Variants in VSNL1 observed in about 807,000 individuals in gnomAD.
VSNL1 encodes visinin-like protein 1.
VSNL1 carries 6 observed loss-of-function variants against 20.4 expected under a neutral mutation model. The ratio of observed to expected loss-of-function variants is 0.29; its 90% CI spans 0.16 to 0.58. The LOEUF is 0.58. Among genes scored for constraint, VSNL1 ranks in the 20% least tolerant of loss-of-function variants. The pLI, the probability that VSNL1 is intolerant of heterozygous loss-of-function variation, is 0.90. For missense variants in VSNL1, 100 were observed against 234.5 expected, an observed-to-expected ratio of 0.43 and a Z score of 3.75; for synonymous variants, 93 against 86.4, an observed-to-expected ratio of 1.08 and a Z score of -0.42.
At chr2:17,622,562 AAGAAAGAAAGAAAGAAAG>A (rs1483970674) in intron 2 of VSNL1, among the ~76,000 whole-genome samples, 2 of 134,100 alleles carry the variant, frequency 1.5e-5, no homozygotes, top group Non-Finnish European at 3.4e-5. Flanking sequence ...GAAAGAAAGA[AAGAAAGAAAGAAAGAAAG>A]AAAGAAAGAA....
intron 2 of VSNL1, among the ~76,000 whole-genome samples, chr2:17,626,782 C>T (rs1472355073): frequency 6.6e-6 from 1 of 152,144 alleles, no homozygotes; most frequent in Admixed American, 6.5e-5. Context: ...AATTCTAGGA[C>T]AAAGGAAAAA....
chr2:17,622,744 G>C (rs1244730955), intron 2 of VSNL1, among the ~76,000 whole-genome samples: 1 of 152,166 alleles, frequency 6.6e-6, no homozygotes, highest in Non-Finnish European at 1.5e-5. Context: ...AATTCACTGG[G>C]TGAAAAGGAA....
chr2:17,630,640 A>T (rs556741520), intron 2 of VSNL1, among the ~76,000 whole-genome samples: 2 of 152,356 alleles, frequency 1.3e-5, no homozygotes, highest in East Asian at 3.9e-4. Context: ...CCACATATTA[A>T]AATATTTTAT....
At chr2:17,544,068 A>AAGG (rs1349501044) in intron 1 of VSNL1, among the ~76,000 whole-genome samples, 1 of 152,210 alleles carries the variant, frequency 6.6e-6, no homozygotes, top group Non-Finnish European at 1.5e-5. Context: ...GGCATTAGGA[A>AAGG]AGGAGGAGCT....
At chr2:17,639,114 A>C (rs1354156471) in intron 2 of VSNL1, among the ~76,000 whole-genome samples, 5 of 152,126 alleles carry the variant, frequency 3.3e-5, no homozygotes, top group Non-Finnish European at 7.4e-5. Context: ...GGGTGAAGGG[A>C]TCTATTGCCC....
At chr2:17,578,696 C>G (rs956789607) in intron 1 of VSNL1, among the ~76,000 whole-genome samples, 1 of 152,238 alleles carries the variant, frequency 6.6e-6, no homozygotes, top group African/African-American at 2.4e-5. Flanking sequence ...ACCGGAAGGT[C>G]TAATTTTAGT....
intron 1 of VSNL1, among the ~76,000 whole-genome samples, chr2:17,568,408 T>C (rs1664005558): frequency 6.6e-6 from 1 of 152,146 alleles, no homozygotes; most frequent in Non-Finnish European, 1.5e-5. Context: ...GCTAGGACTA[T>C]AGGTACATGC....
chr2:17,540,069 T>C (rs182243811), upstream of VSNL1: 1,673 of 152,424 alleles, frequency 0.011, 14 homozygotes, highest in Non-Finnish European at 0.018. Flanking sequence ...GGACCGAGAC[T>C]GTCCGGGGCA....
At chr2:17,618,954 C>T (rs770086578) in intron 2 of VSNL1, among the ~76,000 whole-genome samples, 4 of 152,146 alleles carry the variant, frequency 2.6e-5, no homozygotes. Context: ...TAATCATTCT[C>T]TCATGATCCA....
At chr2:17,620,381 G>A (rs1484921899) in intron 2 of VSNL1, among the ~76,000 whole-genome samples, 3 of 152,226 alleles carry the variant, frequency 2.0e-5, no homozygotes, top group African/African-American at 7.2e-5. Context: ...TTGGCAAAGC[G>A]AGAAGGGCAG....
intron 1 of VSNL1, among the ~76,000 whole-genome samples, chr2:17,542,267 A>G (rs898779391): frequency 6.6e-6 from 1 of 152,108 alleles, no homozygotes; most frequent in Non-Finnish European, 1.5e-5. Context: ...CTTACTTTTG[A>G]ATGCACTCTC....
chr2:17,655,474 C>T lies in VSNL1; in HGVS notation c.*80C>T. The T allele has an allele frequency of 4.0e-6, 4 of 1,010,662 alleles. No individual in the cohort carries two copies. Among genetic ancestry groups the T allele is most frequent in the Non-Finnish European group, 2.9e-6 (2 of 691,504 alleles). The allele number at this position is 1,010,662 out of a possible 1,614,324, so 62.6% of individuals were successfully genotyped here. A position where few individuals can be genotyped will look rare whatever the true frequency, so the allele number is the denominator to read the frequency against. ...AGCTATTCACACACACACACACACA[C>T]ACACACACACACACACACACACACA... is the stretch of plus-strand genomic sequence containing the variant. On this transcript the variant is annotated 3_prime_UTR_variant, in exon 4 of 4. Coordinates refer to ENST00000295156, the MANE Select transcript of VSNL1 (RefSeq NM_003385.5). This position sits in a 1 kb window ranked among gnomAD's most constrained non-coding sequence, Gnocchi z 5.2.
intron 2 of VSNL1, among the ~76,000 whole-genome samples, chr2:17,624,853 C>T (rs1404825710): frequency 6.6e-6 from 1 of 152,200 alleles, no homozygotes; most frequent in Non-Finnish European, 1.5e-5. Flanking sequence ...TAATGTGTTA[C>T]AGCAGCAACA....
intron 2 of VSNL1, among the ~76,000 whole-genome samples, chr2:17,610,846 C>T (rs1665067632): frequency 6.6e-6 from 1 of 152,196 alleles, no homozygotes; most frequent in Non-Finnish European, 1.5e-5. Flanking sequence ...GCCCTGAACT[C>T]TGCATGCTTT....
intron 2 of VSNL1, among the ~76,000 whole-genome samples, chr2:17,594,068 T>C (rs750333356): frequency 1.4e-4 from 21 of 152,202 alleles, no homozygotes; most frequent in Non-Finnish European, 3.1e-4. Flanking sequence ...ATAGTTGAAA[T>C]GCAGGAAATG....
At chr2:17,633,921 A>C (rs77184568) in intron 2 of VSNL1, among the ~76,000 whole-genome samples, 1 of 152,308 alleles carries the variant, frequency 6.6e-6, no homozygotes, top group Admixed American at 6.5e-5. Context: ...CAAGAAGTGA[A>C]GGGGCAAGAG....
At chr2:17,653,027 A>G (rs1410728485) in intron 3 of VSNL1, among the ~76,000 whole-genome samples, 1 of 152,216 alleles carries the variant, frequency 6.6e-6, no homozygotes, top group African/African-American at 2.4e-5. Flanking sequence ...AAAGTCTGAA[A>G]ACAGCTATTT....
intron 2 of VSNL1, among the ~76,000 whole-genome samples, chr2:17,599,163 G>C (rs761547957): frequency 3.9e-5 from 6 of 152,100 alleles, no homozygotes; most frequent in Non-Finnish European, 7.3e-5. Flanking sequence ...AGTGAAGATA[G>C]GGTAAAAAAA....
chr2:17,650,081 G>A (rs1002582478), intron 3 of VSNL1, among the ~76,000 whole-genome samples: 6 of 152,114 alleles, frequency 3.9e-5, no homozygotes, highest in African/African-American at 9.7e-5. Context: ...CCTCTGCCAC[G>A]CCACCCACTG....
Sources: allele counts gnomAD v4.1 joint callset (sites outside exome capture counted in the v4.1 genomes callset), GRCh38; gene constraint gnomAD v4.1.1; non-coding constraint Gnocchi (gnomAD v3.1); transcripts MANE v1.5; gene names NCBI Gene and HGNC (gene_info 2026-07-23, HGNC 2026-07-21).